The following DSC3 variants were observed in gnomAD, a reference collection of about 807,000 sequenced individuals.
DSC3 encodes the protein desmocollin-3.
In DSC3, 97 loss-of-function variants were observed where a neutral mutation model predicts 89.5. That is an observed-to-expected ratio of 1.08 (90% CI 0.92 to 1.28). The LOEUF (loss-of-function observed/expected upper bound fraction) is 1.28. Among genes scored for constraint, DSC3 ranks in the 50% most tolerant of loss-of-function variants. The pLI, the probability that DSC3 is intolerant of heterozygous loss-of-function variation, is 0.00. For missense variants in DSC3, 1,199 were observed against 1,085.3 expected (o/e 1.10, Z -1.47); for synonymous variants, 436 against 384.1 (o/e 1.14, Z -1.58).
intron 9 of DSC3, among the ~76,000 whole-genome samples, chr18:31,016,203 T>C (rs963284085): frequency 1.3e-5 from 2 of 152,300 alleles, no homozygotes; most frequent in African/African-American, 4.8e-5. Flanking sequence ...TAGTTATAAA[T>C]ACAGCTAGCC....
Position 31,008,361 on chromosome 18 carries a change from T to C in DSC3, c.1428A>G (p.Gln476=), listed in dbSNP as rs1567952802. 6 of 1,614,136 alleles carry C rather than the reference T, an allele frequency of 3.7e-6. No homozygotes were observed. The highest frequency in any genetic ancestry group is 5.1e-6 in the Non-Finnish European group (6 of 1,180,026). Residue 476 remains glutamine, a synonymous_variant, in exon 10 of 16, where the codon CAA becomes CAG. Coordinates refer to ENST00000360428, the MANE Select transcript of DSC3 (RefSeq NM_001941.5). ...DEGPECTPAA[Q]YVRIKENLAV... ...CTAAGTTTTCTTTAATCCGCACATATTGGGCTGCAGGAGTGCATTCAGGCC... is the reference window on the plus strand; with the variant it reads ...CTAAGTTTTCTTTAATCCGCACATACTGGGCTGCAGGAGTGCATTCAGGCC...
intron 1 of DSC3, among the ~76,000 whole-genome samples, chr18:31,038,987 T>C (rs1041606592): frequency 2.0e-5 from 3 of 152,072 alleles, no homozygotes; most frequent in Non-Finnish European, 4.4e-5. Context: ...TTGGATGCCT[T>C]ATTGAAAACA....
At position 30,995,145 on chromosome 18, in the gene DSC3, G is replaced by A. The variant is rs111701600; in HGVS notation, c.2494-773C>T. On this transcript the variant is annotated intron_variant, in intron 15 of 15. Coordinates refer to ENST00000360428, the MANE Select transcript of DSC3 (RefSeq NM_001941.5). ...CTGCCACTGGCCTGTCTGCCAACTC[G>A]TCAACTGCCATGTCTCCTCCCTTTC... 6.8e-3 allele frequency among the ~76,000 whole-genome samples: 1,041 copies of A among 152,224 alleles called. 11 individuals carry two copies. The highest frequency in any genetic ancestry group is 0.023 in the African/African-American group (971 of 41,516).
At chr18:30,997,448 G>A (rs979198806) in intron 14 of DSC3, among the ~76,000 whole-genome samples, 1 of 152,128 alleles carries the variant, frequency 6.6e-6, no homozygotes, top group African/African-American at 2.4e-5. Context: ...AAGCTTTCAT[G>A]ATAATAAACC....
intron 15 of DSC3, among the ~76,000 whole-genome samples, chr18:30,996,485 C>T (rs1984470383): frequency 6.6e-6 from 1 of 152,072 alleles, no homozygotes; most frequent in Non-Finnish European, 1.5e-5. Context: ...ACTAGAATTA[C>T]TTTCACGATC....
At chr18:31,018,596 T>G in intron 8 of DSC3, 70 bp downstream of exon 8, 1 of 1,488,992 alleles carries the variant, frequency 6.7e-7, no homozygotes. Flanking sequence ...AGTATTAATT[T>G]TATTAATTCA....
intron 9 of DSC3, among the ~76,000 whole-genome samples, chr18:31,012,409 A>C (rs778609433): frequency 1.3e-5 from 2 of 152,178 alleles, no homozygotes; most frequent in Non-Finnish European, 2.9e-5. Context: ...CCAGAAGGAG[A>C]ACAGCTCAGG....
intron 1 of DSC3, among the ~76,000 whole-genome samples, chr18:31,033,055 A>C (rs1327689449): frequency 2.0e-5 from 3 of 152,168 alleles, no homozygotes; most frequent in African/African-American, 7.2e-5. Flanking sequence ...TAAGCAAAAA[A>C]ATTGATTTGT....
Position 31,001,736 on chromosome 18 carries a change from A to G in DSC3, c.2117T>C (p.Val706Ala), listed in dbSNP as rs746041620. ...AACTCCACATACTAAAGTTAGCAATACAGCTGAATTTAAAAATAAAAATAA... is the reference window on the plus strand; with the variant it reads ...AACTCCACATACTAAAGTTAGCAATGCAGCTGAATTTAAAAATAAAAATAA... The part of the protein sequence containing the change: ...ILLGIALLFS[V>A]LLTLVCGVFG... Residue 706 changes from valine (V) to alanine (A), a missense_variant, in exon 14 of 16, where the codon GTA becomes GCA. Physicochemically the swap from Val to Ala is moderately conservative, Grantham distance 64. Transcript: ENST00000360428. 32 of 1,585,894 alleles carry G rather than the reference A, an allele frequency of 2.0e-5. 1 individual carries two copies. In the South Asian group the frequency reaches 3.7e-4, roughly 18 times the overall value.
chr18:31,031,716 C>T (rs1287837893), intron 2 of DSC3, among the ~76,000 whole-genome samples: 2 of 152,138 alleles, frequency 1.3e-5, no homozygotes, highest in Non-Finnish European at 2.9e-5. Flanking sequence ...CTGTGTGTTC[C>T]AAGCTTTCCA....
At chr18:31,039,656 A>T (rs1263745555) in intron 1 of DSC3, among the ~76,000 whole-genome samples, 1 of 152,166 alleles carries the variant, frequency 6.6e-6, no homozygotes, top group African/African-American at 2.4e-5. Context: ...TCATACTTTC[A>T]GCGGAAAGTA....
At position 31,017,367 on chromosome 18, in the gene DSC3, T is replaced by C. The variant is rs1210256087; in HGVS notation, c.1263+704A>G. On this transcript the variant is annotated intron_variant, in intron 9 of 15. Coordinates refer to ENST00000360428, the MANE Select transcript of DSC3 (RefSeq NM_001941.5). ...CTCTATTCTTGTCCACAGGACAATATTAATTTTTGTTTTGTTCTGGGCTAG... is the reference window on the plus strand; with the variant it reads ...CTCTATTCTTGTCCACAGGACAATACTAATTTTTGTTTTGTTCTGGGCTAG... Among the ~76,000 whole-genome samples the C allele has an allele frequency of 5.3e-5, 8 of 152,324 alleles. No individual in the cohort carries two copies. In the East Asian group the frequency reaches 1.5e-3, roughly 29 times the overall value.
intron 13 of DSC3, among the ~76,000 whole-genome samples, chr18:31,002,287 C>A (rs915151056): frequency 3.3e-5 from 5 of 152,138 alleles, no homozygotes; most frequent in Admixed American, 6.5e-5. Flanking sequence ...GTCTAAAAGA[C>A]CCTATAGTGC....
intron 6 of DSC3, 144 bp downstream of exon 6, chr18:31,024,205 G>A: frequency 1.5e-6 from 1 of 683,336 alleles, no homozygotes. Context: ...TGAAAGTGAT[G>A]GGATTAAGTG....
At chr18:31,033,863 G>A (rs929518342) in intron 1 of DSC3, among the ~76,000 whole-genome samples, 2 of 152,092 alleles carry the variant, frequency 1.3e-5, no homozygotes, top group South Asian at 2.1e-4. Flanking sequence ...TCGCTCTGTC[G>A]CCCAGTCTGG....
At position 31,022,431 on chromosome 18, in the gene DSC3, T is replaced by C. The variant is rs377170503; in HGVS notation, c.847A>G (p.Ser283Gly). 16 of 1,613,990 alleles carry C rather than the reference T, an allele frequency of 9.9e-6. No individual in the cohort carries two copies. Among genetic ancestry groups the C allele is most frequent in the African/African-American group, 2.7e-5 (2 of 74,926 alleles). ...GACCTTGGTGTCTGCTGCAAAATGC[T>C]GTATTTCAGGCGCGTATGCATTGTG... The part of the protein sequence containing the change: ...PDTMHTRLKY[S>G]ILQQTPRSPG... The change falls in exon 7 of 16, where the codon AGC (serine) becomes GGC (glycine). Residue 283 changes from serine (S) to glycine (G), a missense_variant. Transcript: ENST00000360428.
In DSC3 at chr18:31,025,914, A is replaced by C; in HGVS notation, c.476T>G (p.Val159Gly). The part of the protein sequence containing the change: ...LGPFPLFLQQ[V>G]ESDAAQNYTV... ...ATAGTTCTGTGCTGCATCAGATTCA[A>C]CCTAAAAGTAGAAAAAAAATATGCA... is the stretch of plus-strand genomic sequence containing the variant. Residue 159 changes from valine to glycine, a missense_variant and splice_region_variant, in exon 5 of 16, where the codon GTT (valine) becomes GGT (glycine). Coordinates refer to ENST00000360428, the MANE Select transcript of DSC3 (RefSeq NM_001941.5). The C allele has an allele frequency of 6.2e-7, 1 of 1,610,722 alleles. No homozygotes were observed. Among genetic ancestry groups the C allele is most frequent in the Non-Finnish European group, 8.5e-7 (1 of 1,178,624 alleles).
chr18:31,021,003 C>T (rs1985400074), intron 7 of DSC3, among the ~76,000 whole-genome samples: 1 of 151,882 alleles, frequency 6.6e-6, no homozygotes, highest in Admixed American at 6.6e-5. Context: ...AAATGCTCTT[C>T]CCGTATGCTT....
rs1159652799 is a variant in DSC3, at chr18:30,989,394, A to G, written c.*4781T>C. Among the ~76,000 whole-genome samples the G allele has an allele frequency of 2.6e-5, 4 of 152,200 alleles. No homozygotes were observed. Among genetic ancestry groups the G allele is most frequent in the African/African-American group, 9.7e-5 (4 of 41,450 alleles). ...TACGATTTCATTTATATGAATGTCC[A>G]GAGTAGGCAAATCCATAGAGACAGA... On this transcript the variant is annotated 3_prime_UTR_variant, in exon 16 of 16. Coordinates refer to ENST00000360428, the MANE Select transcript of DSC3 (RefSeq NM_001941.5).
Sources: gnomAD v4.1 joint callset for allele counts (sites outside exome capture counted in the v4.1 genomes callset) on GRCh38, gnomAD v4.1.1 for gene constraint, MANE v1.5 for transcripts, NCBI Gene and HGNC (gene_info 2026-07-23, HGNC 2026-07-21) for gene names.